CDH18: variants seen among roughly 807,000 people sequenced by gnomAD.
The protein encoded by CDH18 is cadherin 18.
In CDH18, 31 loss-of-function variants were observed where a neutral mutation model predicts 67.9. The observed-to-expected ratio is 0.46, with a 90% CI of 0.34 to 0.62. The LOEUF (loss-of-function observed/expected upper bound fraction) is 0.62. Ranked by LOEUF, CDH18 falls within the 20% of genes least tolerant of loss-of-function variation. The pLI, the probability that CDH18 is intolerant of heterozygous loss-of-function variation, is 0.01. For missense variants in CDH18, 890 were observed against 975.5 expected (o/e 0.91, Z 1.17); for synonymous variants, 362 against 347.2 (o/e 1.04, Z -0.48).
chr5:20,216,604 A>G (rs1740791863), intron 2 of CDH18, among the ~76,000 whole-genome samples: 1 of 151,922 alleles, frequency 6.6e-6, no homozygotes, highest in African/African-American at 2.4e-5. Flanking sequence ...GTCCAAGTTT[A>G]GTTCCTTAAC....
intron 1 of CDH18, among the ~76,000 whole-genome samples, chr5:20,440,738 T>C (rs1434821179): frequency 6.6e-6 from 1 of 151,960 alleles, no homozygotes; most frequent in African/African-American, 2.4e-5. Flanking sequence ...GAAAATTAGA[T>C]AATTTCTTTA....
intron 1 of CDH18, among the ~76,000 whole-genome samples, chr5:20,328,985 A>G (rs182259575): frequency 2.3e-4 from 35 of 152,308 alleles, no homozygotes; most frequent in African/African-American, 8.4e-4. Context: ...CATCTCAGAA[A>G]TAAAACCCCC....
Position 20,425,414 on chromosome 5 carries a change from A to C in CDH18, c.-580+150048T>G, listed in dbSNP as rs557872101. ...AAGGCAATATAAACTCTAGAAAAAA[A>C]CAAAAAAAAGAAAGAAAAGAAAGAT... On this transcript the variant is annotated intron_variant, in intron 1 of 14. Coordinates refer to the CDH18 transcript ENST00000507958. Among the ~76,000 whole-genome samples, 8 of 151,086 alleles carry C rather than the reference A, an allele frequency of 5.3e-5. No homozygotes were observed. The South Asian group carries it at 1.5e-3, about 27-fold the overall frequency.
intron 5 of CDH18, among the ~76,000 whole-genome samples, chr5:19,709,583 A>T (rs578238233): frequency 1.3e-5 from 2 of 152,046 alleles, no homozygotes; most frequent in Admixed American, 1.3e-4. Flanking sequence ...AACAACAAAA[A>T]AAGAAAGTAA....
chr5:19,646,178 A>C (rs1754710221), intron 5 of CDH18, among the ~76,000 whole-genome samples: 1 of 152,116 alleles, frequency 6.6e-6, no homozygotes, highest in African/African-American at 2.4e-5. Flanking sequence ...GAGAAATAAA[A>C]ATGTCAGGAA....
intron 2 of CDH18, among the ~76,000 whole-genome samples, chr5:20,031,739 T>G (rs997837236): frequency 4.1e-4 from 63 of 152,126 alleles, no homozygotes; most frequent in African/African-American, 1.4e-3. Context: ...ATAGAATAAT[T>G]ATTTAAGGCA....
intron 1 of CDH18, among the ~76,000 whole-genome samples, chr5:20,413,127 C>A (rs549123421): frequency 6.6e-6 from 1 of 152,326 alleles, no homozygotes; most frequent in East Asian, 1.9e-4. Flanking sequence ...CATGTCCCTA[C>A]AAAGGACATG....
At chr5:19,818,514 T>C (rs1779527934) in intron 3 of CDH18, among the ~76,000 whole-genome samples, 1 of 152,224 alleles carries the variant, frequency 6.6e-6, no homozygotes, top group South Asian at 2.1e-4. Flanking sequence ...AGTGACTAAT[T>C]ATTATATACA....
At chr5:19,841,063 A>G (rs992683821) in intron 2 of CDH18, among the ~76,000 whole-genome samples, 1 of 152,184 alleles carries the variant, frequency 6.6e-6, no homozygotes, top group African/African-American at 2.4e-5. Context: ...GAAGGAAAAA[A>G]GTCACATTAG....
At position 19,536,994 on chromosome 5, in the gene CDH18, C is replaced by T. The variant is rs533762449; in HGVS notation, c.1390+6875G>A. 6.6e-5 allele frequency among the ~76,000 whole-genome samples: 10 copies of T among 152,264 alleles called. No individual in the cohort carries two copies. The East Asian group carries it at 1.7e-3, about 26-fold the overall frequency. On this transcript the variant is annotated intron_variant, in intron 9 of 12. Transcript: ENST00000382275. Reference sequence around the variant, plus strand: ...CAGATAACGGTGCAAATGATACAGTCTATGGTACTGTGATGGTTAATTTTA... The same window carrying T: ...CAGATAACGGTGCAAATGATACAGTTTATGGTACTGTGATGGTTAATTTTA...
chr5:19,922,963 A>G (rs918127625), intron 2 of CDH18, among the ~76,000 whole-genome samples: 40 of 152,148 alleles, frequency 2.6e-4, no homozygotes, highest in Non-Finnish European at 1.3e-4. Flanking sequence ...TTTAGATTCA[A>G]TGGCATTTTT....
At chr5:19,843,939 A>T (rs1782630794) in intron 2 of CDH18, among the ~76,000 whole-genome samples, 1 of 152,194 alleles carries the variant, frequency 6.6e-6, no homozygotes, top group South Asian at 2.1e-4. Flanking sequence ...AGAAGAATTC[A>T]AAGATTGATT....
intron 7 of CDH18, among the ~76,000 whole-genome samples, chr5:19,585,655 C>T (rs1318133189): frequency 1.3e-5 from 2 of 152,048 alleles, no homozygotes; most frequent in South Asian, 2.1e-4. Flanking sequence ...AGCTTTTTGT[C>T]CCTGTGCATA....
intron 4 of CDH18, among the ~76,000 whole-genome samples, chr5:19,742,733 T>TA (rs1581152587): frequency 6.7e-6 from 1 of 148,498 alleles, no homozygotes; most frequent in East Asian, 1.9e-4. Flanking sequence ...AAAGTGCATT[T>TA]ACTCTCTCTC....
intron 5 of CDH18, among the ~76,000 whole-genome samples, chr5:19,656,082 G>C (rs967010193): frequency 8.8e-5 from 13 of 147,798 alleles, no homozygotes; most frequent in African/African-American, 2.5e-4. Context: ...AATATACTCA[G>C]GCATAACCAA....
At chr5:20,558,344 T>G (rs1020716597) in intron 1 of CDH18, among the ~76,000 whole-genome samples, 2 of 152,116 alleles carry the variant, frequency 1.3e-5, no homozygotes, top group Non-Finnish European at 2.9e-5. Flanking sequence ...GCAGAAAGCC[T>G]TTGAGTGTTA....
At chr5:19,613,367 T>C (rs1387206088) in intron 5 of CDH18, among the ~76,000 whole-genome samples, 2 of 152,004 alleles carry the variant, frequency 1.3e-5, no homozygotes, top group Non-Finnish European at 2.9e-5. Context: ...ATTTGAGGAG[T>C]TTGGACACTT....
chr5:20,086,650 T>G (rs1744977367), intron 2 of CDH18, among the ~76,000 whole-genome samples: 1 of 151,536 alleles, frequency 6.6e-6, no homozygotes, highest in Non-Finnish European at 1.5e-5. Context: ...TTATGCTAAA[T>G]CTACTCTGTA....
chr5:20,351,181 T>TGCGC (rs1327511947), intron 1 of CDH18, among the ~76,000 whole-genome samples: 30 of 143,346 alleles, frequency 2.1e-4, no homozygotes, highest in African/African-American at 7.2e-4. Context: ...TGTGTGTGTG[T>TGCGC]GTGTGTGTGT....
Sources: allele counts gnomAD v4.1 joint callset (sites outside exome capture counted in the v4.1 genomes callset), GRCh38; gene constraint gnomAD v4.1.1; transcripts MANE v1.5; gene names NCBI Gene and HGNC (gene_info 2026-07-23, HGNC 2026-07-21).